Variants in SDK1 observed in about 807,000 individuals in gnomAD.
SDK1 encodes sidekick cell adhesion molecule 1, also known as protein sidekick-1.
In SDK1, 157 loss-of-function variants were observed where a neutral mutation model predicts 245.5. That is an observed-to-expected ratio of 0.64 (90% CI 0.56 to 0.73). The LOEUF (loss-of-function observed/expected upper bound fraction) is 0.73, where lower values mean the gene tolerates loss of function less well. Ranked by LOEUF, SDK1 falls within the 30% of genes least tolerant of loss-of-function variation. The pLI is 0.00. For synonymous variants in SDK1, 1,647 were observed against 1,278.5 expected (o/e 1.29, Z -6.15); for missense variants, 3,583 against 3,002.3 (o/e 1.19, Z -4.52).
chr7:3,732,781 T>C (rs1779216468), intron 4 of SDK1, among the ~76,000 whole-genome samples: 1 of 152,182 alleles, frequency 6.6e-6, no homozygotes, highest in Non-Finnish European at 1.5e-5. Context: ...ATAAGCCTCA[T>C]ATGGCCATGG....
chr7:3,371,309 C>G (rs1181252558), intron 1 of SDK1, among the ~76,000 whole-genome samples: 1 of 152,112 alleles, frequency 6.6e-6, no homozygotes, highest in Non-Finnish European at 1.5e-5. Flanking sequence ...AGATGGGGCT[C>G]TCCTAGTCAA....
intron 1 of SDK1, among the ~76,000 whole-genome samples, chr7:3,596,245 T>C (rs1703607958): frequency 6.6e-6 from 1 of 152,064 alleles, no homozygotes; most frequent in Non-Finnish European, 1.5e-5. Flanking sequence ...CTGGGTTGCA[T>C]GAGAGTTAAA....
At chr7:3,494,580 A>G (rs748729596) in intron 1 of SDK1, among the ~76,000 whole-genome samples, 32 of 152,186 alleles carry the variant, frequency 2.1e-4, no homozygotes, top group Non-Finnish European at 4.4e-4. Context: ...TCATTAACAT[A>G]TTCATCACCT....
chr7:3,915,813 C>T (rs1286367643), intron 5 of SDK1, among the ~76,000 whole-genome samples: 1 of 152,200 alleles, frequency 6.6e-6, no homozygotes, highest in Non-Finnish European at 1.5e-5. Context: ...CCACCTTCCA[C>T]CCAGACCACT....
At chr7:3,593,798 G>C (rs1456415150) in intron 1 of SDK1, among the ~76,000 whole-genome samples, 2 of 152,164 alleles carry the variant, frequency 1.3e-5, no homozygotes, top group Non-Finnish European at 1.5e-5. Context: ...CTTGAGACAG[G>C]TTCCGGGTTC....
intron 1 of SDK1, among the ~76,000 whole-genome samples, chr7:3,444,784 C>A (rs146566017): frequency 6.6e-6 from 1 of 152,128 alleles, no homozygotes; most frequent in South Asian, 2.1e-4. Flanking sequence ...AGTGATGTTC[C>A]CTGTTTGCAC....
intron 40 of SDK1, among the ~76,000 whole-genome samples, chr7:4,232,570 C>G (rs4723515): frequency 0.17 from 25,425 of 151,830 alleles, 2,602 homozygotes; most frequent in Non-Finnish European, 0.22. Context: ...TCAAGCAATC[C>G]TCCTGCTTCA....
intron 4 of SDK1, among the ~76,000 whole-genome samples, chr7:3,645,476 TTA>T (rs1168216492): frequency 6.6e-6 from 1 of 152,196 alleles, no homozygotes; most frequent in Non-Finnish European, 1.5e-5. Context: ...CTCCACAAAT[TTA>T]TACATCGTCC....
At chr7:3,869,414 C>G (rs1477051521) in intron 5 of SDK1, among the ~76,000 whole-genome samples, 1 of 152,074 alleles carries the variant, frequency 6.6e-6, no homozygotes, top group African/African-American at 2.4e-5. Flanking sequence ...CCTCGGCCTC[C>G]CAAAGTGCTG....
intron 38 of SDK1, among the ~76,000 whole-genome samples, chr7:4,213,488 G>C (rs1289862818): frequency 6.6e-6 from 1 of 152,024 alleles, no homozygotes; most frequent in Non-Finnish European, 1.5e-5. Context: ...GGGAGGCTGA[G>C]GCAGGAGAAT....
intron 5 of SDK1, among the ~76,000 whole-genome samples, chr7:3,889,029 T>C (rs964558027): frequency 2.0e-5 from 3 of 152,246 alleles, no homozygotes; most frequent in Non-Finnish European, 2.9e-5. Flanking sequence ...TCCTTGATAA[T>C]GTTTCAAGGA....
chr7:4,070,990 T>C (rs1187176398), intron 20 of SDK1, among the ~76,000 whole-genome samples: 3 of 151,714 alleles, frequency 2.0e-5, no homozygotes, highest in African/African-American at 7.3e-5. Flanking sequence ...GTGCCTCTTA[T>C]AAGCATATAG....
intron 35 of SDK1, among the ~76,000 whole-genome samples, chr7:4,204,386 G>A (rs568784890): frequency 5.9e-5 from 9 of 152,266 alleles, no homozygotes; most frequent in Non-Finnish European, 1.2e-4. Flanking sequence ...ACCTGGTGTG[G>A]GCTATTAACA....
chr7:4,037,433 G>T (rs375849080), intron 17 of SDK1, among the ~76,000 whole-genome samples: 1 of 152,028 alleles, frequency 6.6e-6, no homozygotes, highest in Non-Finnish European at 1.5e-5. Flanking sequence ...AGCTTGGGCC[G>T]CATAGTGAGA....
At chr7:3,423,012 T>A (rs1779575324) in intron 1 of SDK1, among the ~76,000 whole-genome samples, 3 of 152,226 alleles carry the variant, frequency 2.0e-5, no homozygotes, top group Admixed American at 2.0e-4. Context: ...ATTATAGATA[T>A]GTTAGTTTTA....
intron 1 of SDK1, among the ~76,000 whole-genome samples, chr7:3,403,507 C>T (rs6945914): frequency 0.16 from 24,423 of 151,318 alleles, 3,184 homozygotes; most frequent in African/African-American, 0.36. Flanking sequence ...TTGTTCTAAC[C>T]GAAAGAGGGA....
In SDK1 at chr7:3,383,351, C is replaced by T. The variant is rs145450466; in HGVS notation, c.298+81467C>T. Among the ~76,000 whole-genome samples the T allele has an allele frequency of 6.9e-3, 1,051 of 152,146 alleles. 14 individuals carry two copies. Among genetic ancestry groups the T allele is most frequent in the African/African-American group, 0.024 (1,008 of 41,508 alleles). ...ACTTGAGCCCCAGAGGTTAAGATTG[C>T]AGTGAATTATGATTGTGCCACTGCA... On this transcript the variant is annotated intron_variant, in intron 1 of 44. Transcript: ENST00000404826.
At chr7:3,913,359 T>C (rs1435668490) in intron 5 of SDK1, among the ~76,000 whole-genome samples, 2 of 150,754 alleles carry the variant, frequency 1.3e-5, no homozygotes, top group East Asian at 3.9e-4. Context: ...AGTGGCACGA[T>C]CTCGGCTCAC....
intron 5 of SDK1, among the ~76,000 whole-genome samples, chr7:3,893,262 G>A (rs965144226): frequency 3.5e-4 from 54 of 152,196 alleles, no homozygotes; most frequent in Non-Finnish European, 2.9e-5. Flanking sequence ...CAGCAAAACA[G>A]TGATTAGGAA....
Sources: gnomAD v4.1 joint callset for allele counts (sites outside exome capture counted in the v4.1 genomes callset) on GRCh38, gnomAD v4.1.1 for gene constraint, MANE v1.5 for transcripts, NCBI Gene and HGNC (gene_info 2026-07-23, HGNC 2026-07-21) for gene names.